Variants in KAZN observed in about 807,000 individuals in gnomAD.
The protein encoded by KAZN is kazrin, periplakin interacting protein, also known as kazrin.
Under a neutral mutation model 87.4 loss-of-function variants are expected in KAZN, and 40 were observed. The observed-to-expected ratio is 0.46, with a 90% CI of 0.36 to 0.60. The LOEUF (loss-of-function observed/expected upper bound fraction) is 0.60, where lower values mean the gene tolerates loss of function less well. Ranked by LOEUF, KAZN falls within the 20% of genes least tolerant of loss-of-function variation. The probability of loss-of-function intolerance (pLI) is 0.00; values close to 1 mark genes in which losing one functional copy is unlikely to be tolerated. For synonymous variants in KAZN, 466 were observed against 458.3 expected (o/e 1.02, Z -0.22); for missense variants, 898 against 1,073.9 (o/e 0.84, Z 2.29).
At chr1:15,003,113 G>T (rs1335916572) in intron 2 of KAZN, among the ~76,000 whole-genome samples, 1 of 152,168 alleles carries the variant, frequency 6.6e-6, no homozygotes. Flanking sequence ...CCCCACGGCT[G>T]GGACGGGGCA....
At chr1:14,692,192 G>A (rs1170939826) in intron 1 of KAZN, 7 of 443,702 alleles carry the variant, frequency 1.6e-5, no homozygotes, top group Non-Finnish European at 2.8e-5. Context: ...TGTCTTCCAA[G>A]TCTTTTTCAC....
rs57248871 is a variant in KAZN, at chr1:14,841,405, C to CAA, written c.227-119244_227-119243dup. On this transcript the variant is annotated intron_variant, in intron 1 of 14. Transcript: ENST00000376030. Reference sequence around the variant, plus strand: ...TGGGCGACAGAGCAAGACTCCGTCTCAAAAAAAAAAAAAAAAAAAAAAAAA... The same window carrying CAA: ...TGGGCGACAGAGCAAGACTCCGTCTCAAAAAAAAAAAAAAAAAAAAAAAAAAA... Among the ~76,000 whole-genome samples, 40 of 88,862 alleles carry CAA rather than the reference C, an allele frequency of 4.5e-4. 1 individual carries two copies. The highest frequency in any genetic ancestry group is 1.2e-3 in the Admixed American group (9 of 7,520). 58.3% of individuals were successfully genotyped at this position (88,862 alleles called of 152,430 possible).
At chr1:14,010,026 G>A (rs775696085) in intron 1 of KAZN, among the ~76,000 whole-genome samples, 11 of 152,092 alleles carry the variant, frequency 7.2e-5, no homozygotes, top group Non-Finnish European at 1.5e-4. Context: ...ACAATCTATA[G>A]GCATTCAATT....
chr1:14,089,610 T>G (rs1316805836), intron 1 of KAZN, among the ~76,000 whole-genome samples: 4 of 152,226 alleles, frequency 2.6e-5, no homozygotes, highest in Non-Finnish European at 5.9e-5. Flanking sequence ...CATTTTACAC[T>G]GCATGTGGTC....
chr1:14,360,826 G>A (rs1571391639), intron 2 of KAZN, among the ~76,000 whole-genome samples: 1 of 152,268 alleles, frequency 6.6e-6, no homozygotes, highest in East Asian at 1.9e-4. Context: ...GTCCCAGAGG[G>A]GCACCTGCCA....
intron 1 of KAZN, among the ~76,000 whole-genome samples, chr1:13,955,976 G>A (rs972809552): frequency 2.0e-5 from 3 of 152,148 alleles, no homozygotes; most frequent in African/African-American, 4.8e-5. Flanking sequence ...CTCATCACTG[G>A]TGTCTGCTCA....
chr1:14,871,649 A>AGT (rs3033520), intron 1 of KAZN, among the ~76,000 whole-genome samples: 6,698 of 144,594 alleles, frequency 0.046, 176 homozygotes, highest in African/African-American at 0.073. Context: ...CATGAGCAGC[A>AGT]GTGTGTGTGT....
intron 10 of KAZN, among the ~76,000 whole-genome samples, chr1:15,101,010 G>A (rs967370270): frequency 6.6e-5 from 10 of 152,148 alleles, no homozygotes; most frequent in African/African-American, 2.4e-4. Flanking sequence ...GAGGGGCGGG[G>A]TCCCCAGAGG....
At chr1:14,309,070 G>A (rs1219255415) in intron 2 of KAZN, among the ~76,000 whole-genome samples, 1 of 152,158 alleles carries the variant, frequency 6.6e-6, no homozygotes, top group African/African-American at 2.4e-5. Context: ...CTAGAGCAAT[G>A]CCACCTGTAG....
chr1:14,685,257 G>A (rs7538750), intron 1 of KAZN, among the ~76,000 whole-genome samples: 1 of 152,004 alleles, frequency 6.6e-6, no homozygotes, highest in African/African-American at 2.4e-5. Context: ...AGCTGGTATA[G>A]AGCATGCTTC....
chr1:13,931,176 A>C, intron 1 of KAZN, among the ~76,000 whole-genome samples: 1 of 152,248 alleles, frequency 6.6e-6, no homozygotes, highest in South Asian at 2.1e-4. Context: ...TTGCCAATTA[A>C]TGTTAGTGAA....
intron 8 of KAZN, chr1:15,067,809 G>A: frequency 1.0e-6 from 1 of 984,998 alleles, no homozygotes; most frequent in Non-Finnish European, 1.2e-6. Context: ...ACCCAAGCTG[G>A]CATCTTTCTC....
chr1:14,566,838 G>T (rs934937170), intron 2 of KAZN, among the ~76,000 whole-genome samples: 1 of 152,146 alleles, frequency 6.6e-6, no homozygotes, highest in African/African-American at 2.4e-5. Context: ...GAATTAAAAA[G>T]ACTCAGGGTC....
intron 1 of KAZN, among the ~76,000 whole-genome samples, chr1:14,150,159 C>A (rs1195607889): frequency 6.6e-6 from 1 of 152,210 alleles, no homozygotes; most frequent in Non-Finnish European, 1.5e-5. Context: ...AGACGAAGGA[C>A]TTGCCAAAGG....
At chr1:14,421,913 C>T (rs569022973) in intron 2 of KAZN, among the ~76,000 whole-genome samples, 2 of 152,294 alleles carry the variant, frequency 1.3e-5, no homozygotes, top group East Asian at 3.9e-4. Context: ...ACACTGACTG[C>T]CCAATGAGCT....
chr1:14,121,407 G>T (rs1644749618), intron 1 of KAZN, among the ~76,000 whole-genome samples: 2 of 152,252 alleles, frequency 1.3e-5, no homozygotes, highest in African/African-American at 4.8e-5. Flanking sequence ...GGCGGCGGGG[G>T]TGTGTTCATT....
intron 1 of KAZN, among the ~76,000 whole-genome samples, chr1:14,950,120 C>T (rs1233547283): frequency 6.6e-6 from 1 of 152,128 alleles, no homozygotes; most frequent in South Asian, 2.1e-4. Flanking sequence ...AGCGGCTCTC[C>T]GGGCTGGGGA....
chr1:14,931,039 C>T (rs60451339), intron 1 of KAZN, among the ~76,000 whole-genome samples: 4,322 of 152,246 alleles, frequency 0.028, 195 homozygotes, highest in East Asian at 0.092. Context: ...GGGGTGAACC[C>T]GTTTCCTCTA....
intron 1 of KAZN, among the ~76,000 whole-genome samples, chr1:14,050,528 ATAC>A (rs1247841680): frequency 4.6e-5 from 7 of 152,304 alleles, no homozygotes; most frequent in Admixed American, 4.6e-4. Context: ...AGTGCAGGAA[ATAC>A]TACTATTTAC....
Sources: gnomAD v4.1 joint callset for allele counts (sites outside exome capture counted in the v4.1 genomes callset) on GRCh38, gnomAD v4.1.1 for gene constraint, MANE v1.5 for transcripts, NCBI Gene and HGNC (gene_info 2026-07-23, HGNC 2026-07-21) for gene names.